ADAMTS16: variants seen among roughly 807,000 people sequenced by gnomAD.
ADAMTS16 encodes ADAM metallopeptidase with thrombospondin type 1 motif 16.
ADAMTS16 carries 94 observed loss-of-function variants against 145.8 expected under a neutral mutation model. That is an observed-to-expected ratio of 0.64 (90% CI 0.55 to 0.77). The LOEUF (loss-of-function observed/expected upper bound fraction) is 0.77. ADAMTS16 is among the 30% of genes least tolerant of loss of function. The probability of loss-of-function intolerance (pLI) is 0.00; values close to 1 mark genes in which losing one functional copy is unlikely to be tolerated. For missense variants in ADAMTS16, 1,585 were observed against 1,591.5 expected, an observed-to-expected ratio of 1.00 and a Z score of 0.07; for synonymous variants, 659 against 604.3, an observed-to-expected ratio of 1.09 and a Z score of -1.33.
intron 14 of ADAMTS16, among the ~76,000 whole-genome samples, chr5:5,238,091 G>A (rs996195002): frequency 1.3e-5 from 2 of 152,106 alleles, no homozygotes; most frequent in African/African-American, 4.8e-5. Flanking sequence ...ATACATGAGG[G>A]TTAGGCTGGA....
intron 3 of ADAMTS16, among the ~76,000 whole-genome samples, chr5:5,177,001 G>A (rs1170169425): frequency 6.6e-6 from 1 of 152,182 alleles, no homozygotes; most frequent in African/African-American, 2.4e-5. Flanking sequence ...CCTATATCCA[G>A]TCAACCTCCA....
chr5:5,251,874 T>TGAGACA (rs1737634606), intron 17 of ADAMTS16, among the ~76,000 whole-genome samples: 1 of 152,144 alleles, frequency 6.6e-6, no homozygotes, highest in Non-Finnish European at 1.5e-5. Flanking sequence ...TTCTTTTTTT[T>TGAGACA]GAGACAGAGT....
chr5:5,216,324 G>A lies in ADAMTS16; in HGVS notation c.1606-6465G>A, dbSNP rs1337143239. On this transcript the variant is annotated intron_variant, in intron 10 of 22. Coordinates refer to ENST00000274181, the MANE Select transcript of ADAMTS16 (RefSeq NM_139056.4). ...TTGAGCAGTTTTTCATATGTTTGTT[G>A]GCCATTTGTATATCTTCTTTTGAGA... Among the ~76,000 whole-genome samples, 9 of 151,952 alleles carry A rather than the reference G, an allele frequency of 5.9e-5. No homozygotes were observed. In the East Asian group the frequency reaches 1.7e-3, roughly 29 times the overall value.
rs75198734 is a variant in ADAMTS16 at position 5,226,410 on chromosome 5, A to T, written c.1701+3526A>T. Among the ~76,000 whole-genome samples the T allele has an allele frequency of 4.6e-5, 7 of 152,278 alleles. No individual in the cohort carries two copies. In the East Asian group the frequency reaches 1.4e-3, roughly 29 times the overall value. On this transcript the variant is annotated intron_variant, in intron 11 of 22. Coordinates refer to ENST00000274181, the MANE Select transcript of ADAMTS16 (RefSeq NM_139056.4). The stretch of plus-strand genomic sequence containing the variant: ...ATGAGACTTATTCACTGTCATGAGA[A>T]CAGCATGGGAAAGACCCGCCCCCAT...
chr5:5,175,124 C>G (rs1161135826), intron 3 of ADAMTS16, among the ~76,000 whole-genome samples: 1 of 152,198 alleles, frequency 6.6e-6, no homozygotes, highest in African/African-American at 2.4e-5. Context: ...ACACATGAAG[C>G]TAGCACATCT....
intron 8 of ADAMTS16, among the ~76,000 whole-genome samples, chr5:5,195,865 G>A (rs1011378141): frequency 2.0e-5 from 3 of 152,188 alleles, no homozygotes; most frequent in Admixed American, 6.5e-5. Context: ...TGCCATGCAA[G>A]ATATCAAGTA....
intron 17 of ADAMTS16, among the ~76,000 whole-genome samples, chr5:5,242,544 A>G (rs1737324446): frequency 6.6e-6 from 1 of 152,218 alleles, no homozygotes; most frequent in South Asian, 2.1e-4. Context: ...AACAGACACT[A>G]CCATGGAAAA....
intron 3 of ADAMTS16, among the ~76,000 whole-genome samples, chr5:5,174,814 T>C (rs996897667): frequency 2.6e-5 from 4 of 152,212 alleles, no homozygotes; most frequent in Admixed American, 2.0e-4. Flanking sequence ...TCAATCTCTT[T>C]GTTAAATGTA....
chr5:5,146,445 G>A lies in ADAMTS16; in HGVS notation c.491G>A (p.Cys164Tyr). 1 of 1,607,100 alleles carries A rather than the reference G, an allele frequency of 6.2e-7. No homozygotes were observed. The change falls in exon 3 of 23, where the codon TGC (cysteine) becomes TAC (tyrosine). Residue 164 changes from cysteine to tyrosine, a missense_variant. Transcript: ENST00000274181. ...HRNSSVALST[C>Y]QGLSGMIRTE... Reference sequence around the variant, plus strand: ...AACTCCTCAGTGGCCCTTTCAACCTGCCAAGGCTTGGTGAGTACAGCGCAA... The same window carrying A: ...AACTCCTCAGTGGCCCTTTCAACCTACCAAGGCTTGGTGAGTACAGCGCAA...
At chr5:5,277,222 G>A (rs370488126) in intron 18 of ADAMTS16, among the ~76,000 whole-genome samples, 23 of 152,192 alleles carry the variant, frequency 1.5e-4, no homozygotes, top group Admixed American at 2.0e-4. Context: ...AGATGCTTCA[G>A]CCGCATCACA....
At chr5:5,210,837 T>G (rs1268197366) in intron 10 of ADAMTS16, among the ~76,000 whole-genome samples, 1 of 152,200 alleles carries the variant, frequency 6.6e-6, no homozygotes, top group Non-Finnish European at 1.5e-5. Context: ...GTTATATTGT[T>G]TCCTCCTTTG....
At chr5:5,229,905 A>G (rs913435841) in intron 11 of ADAMTS16, among the ~76,000 whole-genome samples, 5 of 152,206 alleles carry the variant, frequency 3.3e-5, no homozygotes, top group Admixed American at 1.3e-4. Context: ...ATGGCTGCTA[A>G]AAGTATTAGG....
intron 8 of ADAMTS16, among the ~76,000 whole-genome samples, chr5:5,198,657 C>T: frequency 6.6e-6 from 1 of 152,112 alleles, no homozygotes; most frequent in East Asian, 1.9e-4. Flanking sequence ...ACCATAAAAG[C>T]TGTAAAATGG....
chr5:5,193,641 C>T (rs1257802729), intron 8 of ADAMTS16, among the ~76,000 whole-genome samples: 1 of 152,172 alleles, frequency 6.6e-6, no homozygotes, highest in Non-Finnish European at 1.5e-5. Context: ...ACACAAGGCC[C>T]TCAGTTGATC....
intron 18 of ADAMTS16, among the ~76,000 whole-genome samples, chr5:5,280,261 C>A (rs1356311282): frequency 6.6e-6 from 1 of 152,146 alleles, no homozygotes; most frequent in Non-Finnish European, 1.5e-5. Flanking sequence ...GGGCAGGAAG[C>A]CTTTTATTTC....
At chr5:5,143,136 A>T (rs1197197124) in intron 2 of ADAMTS16, among the ~76,000 whole-genome samples, 1 of 152,230 alleles carries the variant, frequency 6.6e-6, no homozygotes, top group Non-Finnish European at 1.5e-5. Context: ...ATAAGATCTA[A>T]TTAAACTAAA....
chr5:5,179,859 C>T (rs1041825862), intron 3 of ADAMTS16, among the ~76,000 whole-genome samples: 2 of 152,180 alleles, frequency 1.3e-5, no homozygotes, highest in African/African-American at 4.8e-5. Flanking sequence ...TGTCTTGCCT[C>T]CTCTCACCCC....
intron 3 of ADAMTS16, 27 bp from the exon 4 acceptor site, chr5:5,182,017 T>C: frequency 6.3e-7 from 1 of 1,576,298 alleles, no homozygotes; most frequent in Non-Finnish European, 8.6e-7. Flanking sequence ...TAATTGTGTT[T>C]TCTTTCTTTC....
chr5:5,212,364 C>T (rs10454946), intron 10 of ADAMTS16, among the ~76,000 whole-genome samples: 3,987 of 152,012 alleles, frequency 0.026, 120 homozygotes, highest in African/African-American at 0.078. Context: ...CCCACAACCA[C>T]GCCTGGCTAA....
Sources: gnomAD v4.1 joint callset for allele counts (sites outside exome capture counted in the v4.1 genomes callset) on GRCh38, gnomAD v4.1.1 for gene constraint, MANE v1.5 for transcripts, NCBI Gene and HGNC (gene_info 2026-07-23, HGNC 2026-07-21) for gene names.